The following TMEM248 variants were observed in gnomAD, a reference collection of about 807,000 sequenced individuals.
TMEM248 encodes the protein transmembrane protein 248, also known as UPF0458 protein C7orf42.
TMEM248 carries 9 observed loss-of-function variants against 30.3 expected under a neutral mutation model. That is an observed-to-expected ratio of 0.30 (90% CI 0.18 to 0.52). The LOEUF (loss-of-function observed/expected upper bound fraction) is 0.52, where lower values mean the gene tolerates loss of function less well. TMEM248 is among the 20% of genes least tolerant of loss of function. The pLI is 0.97. For synonymous variants in TMEM248, 184 were observed against 154.4 expected, an observed-to-expected ratio of 1.19 and a Z score of -1.42; for missense variants, 338 against 403.3, an observed-to-expected ratio of 0.84 and a Z score of 1.39.
chr7:66,938,368 G>T (rs1791858779), intron 1 of TMEM248, among the ~76,000 whole-genome samples: 1 of 152,088 alleles, frequency 6.6e-6, no homozygotes, highest in Admixed American at 6.6e-5. Context: ...GAAAACATTT[G>T]AAAATTGATA....
chr7:66,956,486 CT>C lies in TMEM248; in HGVS notation c.*970del, dbSNP rs1351759760. 4 of 152,062 alleles carry C rather than the reference CT, an allele frequency of 2.6e-5. No individual in the cohort carries two copies. The highest frequency in any genetic ancestry group is 9.7e-5 in the African/African-American group (4 of 41,408). The allele number at this position is 152,062 out of a possible 1,614,324, so 9.4% of individuals were successfully genotyped here. The stretch of plus-strand genomic sequence containing the variant: ...TCTAATAGGAAAGGATTTCTTCTTT[CT>C]TTTTTAAAGAGTGGGTGGATTTTCT... On this transcript the variant is annotated 3_prime_UTR_variant, in exon 7 of 7. Coordinates refer to ENST00000341567, the MANE Select transcript of TMEM248 (RefSeq NM_017994.5).
rs541390860 is a variant in TMEM248 at position 66,936,085 on chromosome 7, A to G, written c.-18-5763A>G. 9.9e-5 allele frequency among the ~76,000 whole-genome samples: 15 copies of G among 152,274 alleles called. No individual in the cohort carries two copies. In the South Asian group the frequency reaches 2.3e-3, roughly 23 times the overall value. ...TCTGATTGCTGTATCTAGGACTTCTAGTACTCTGTTGAATTACGGTGGTGA... is the reference window on the plus strand; with the variant it reads ...TCTGATTGCTGTATCTAGGACTTCTGGTACTCTGTTGAATTACGGTGGTGA... On this transcript the variant is annotated intron_variant, in intron 1 of 6. Coordinates refer to ENST00000341567, the MANE Select transcript of TMEM248 (RefSeq NM_017994.5).
chr7:66,940,617 C>T (rs1791922751), intron 1 of TMEM248, among the ~76,000 whole-genome samples: 1 of 152,232 alleles, frequency 6.6e-6, no homozygotes, highest in Middle Eastern at 3.4e-3. Flanking sequence ...GTGGCCAAAG[C>T]CCAGGAGGGA....
At chr7:66,921,949 T>C (rs1791396937) in intron 1 of TMEM248, 1 of 152,250 alleles carries the variant, frequency 6.6e-6, no homozygotes. Context: ...GGATTCTTTC[T>C]TCATGTTTTT....
intron 6 of TMEM248, among the ~76,000 whole-genome samples, chr7:66,954,426 C>A (rs1196526656): frequency 7.0e-6 from 1 of 143,374 alleles, no homozygotes; most frequent in African/African-American, 2.6e-5. Flanking sequence ...CACTTTGTCA[C>A]CCAGGCTGGA....
At chr7:66,932,979 C>A (rs753771394) in intron 1 of TMEM248, among the ~76,000 whole-genome samples, 5 of 152,010 alleles carry the variant, frequency 3.3e-5, no homozygotes, top group Non-Finnish European at 7.4e-5. Context: ...GTGCCTCAGC[C>A]TCCTGAGTAG....
intron 1 of TMEM248, among the ~76,000 whole-genome samples, chr7:66,938,341 T>C (rs1791858114): frequency 6.6e-6 from 1 of 152,190 alleles, no homozygotes; most frequent in Non-Finnish European, 1.5e-5. Flanking sequence ...TAGGTTGGGC[T>C]TTCTTTATAG....
At chr7:66,923,036 T>C (rs1346619794) in intron 1 of TMEM248, among the ~76,000 whole-genome samples, 2 of 152,142 alleles carry the variant, frequency 1.3e-5, no homozygotes, top group Non-Finnish European at 2.9e-5. Context: ...AGTTTCTGCC[T>C]GTAAGGAATG....
At position 66,949,009 on chromosome 7, in the gene TMEM248, G is replaced by C. The variant is rs547355080; in HGVS notation, c.596+315G>C. Reference sequence around the variant, plus strand: ...TAGAAGCAGCAAGTTACAGAAAAGAGGCTCACTGTGGCCGGGTGCCGTGGC... The same window carrying C: ...TAGAAGCAGCAAGTTACAGAAAAGACGCTCACTGTGGCCGGGTGCCGTGGC... On this transcript the variant is annotated intron_variant, in intron 4 of 6. Coordinates refer to ENST00000341567, the MANE Select transcript of TMEM248 (RefSeq NM_017994.5). 6.4e-4 allele frequency among the ~76,000 whole-genome samples: 97 copies of C among 152,176 alleles called. 1 individual carries two copies. In the South Asian group the frequency reaches 0.011, roughly 18 times the overall value.
intron 2 of TMEM248, among the ~76,000 whole-genome samples, chr7:66,943,801 T>TG (rs998702965): frequency 7.7e-4 from 117 of 151,972 alleles, no homozygotes; most frequent in Non-Finnish European, 1.3e-3. Flanking sequence ...ATGACTTTTT[T>TG]TTTTTTTTGA....
At chr7:66,933,185 G>A (rs912496254) in intron 1 of TMEM248, among the ~76,000 whole-genome samples, 3 of 152,044 alleles carry the variant, frequency 2.0e-5, no homozygotes, top group African/African-American at 7.2e-5. Flanking sequence ...TGGTTGTGGG[G>A]GATAAGAACT....
intron 1 of TMEM248, chr7:66,922,295 T>G (rs1791406464): frequency 1.3e-5 from 2 of 152,296 alleles, no homozygotes; most frequent in South Asian, 2.1e-4. Flanking sequence ...AGACTGCTGA[T>G]GAATATGTGA....
intron 1 of TMEM248, among the ~76,000 whole-genome samples, chr7:66,935,371 C>T (rs1562939396): frequency 6.6e-6 from 1 of 151,988 alleles, no homozygotes; most frequent in Non-Finnish European, 1.5e-5. Flanking sequence ...TTAGTAGAGA[C>T]AGGGTTTCAC....
In TMEM248 at chr7:66,931,792, CTTTTTTTTTTTTTTTT is replaced by C. The variant is rs1156882038; in HGVS notation, c.-18-10041_-18-10026del. ...TGTGCCCAACCAGGAGGCCTTCCTC[CTTTTTTTTTTTTTTTT>C]TTTTTTTTTTTTTTGAGGCAGAGTC... On this transcript the variant is annotated intron_variant, in intron 1 of 6. Transcript: ENST00000341567. Among the ~76,000 whole-genome samples, 42 of 88,456 alleles carry C rather than the reference CTTTTTTTTTTTTTTTT, an allele frequency of 4.7e-4. No individual in the cohort carries two copies. In the South Asian group the frequency reaches 9.0e-3, roughly 19 times the overall value. 58.0% of individuals were successfully genotyped at this position (88,456 alleles called of 152,430 possible). A position where few individuals can be genotyped will look rare whatever the true frequency, so the allele number is the denominator to read the frequency against.
intron 3 of TMEM248, among the ~76,000 whole-genome samples, chr7:66,946,395 T>C (rs544405283): frequency 6.6e-6 from 1 of 151,872 alleles, no homozygotes; most frequent in African/African-American, 2.4e-5. Context: ...CTGGCCAACA[T>C]GGTGAAACCC....
chr7:66,924,665 A>C (rs1791477799), intron 1 of TMEM248, among the ~76,000 whole-genome samples: 1 of 152,132 alleles, frequency 6.6e-6, no homozygotes, highest in Non-Finnish European at 1.5e-5. Flanking sequence ...GCGGCCTCCC[A>C]AAGTGCTGGG....
chr7:66,944,917 C>T (rs979661100), intron 2 of TMEM248, 59 bp from the exon 3 acceptor site: 5 of 1,581,268 alleles, frequency 3.2e-6, no homozygotes, highest in Non-Finnish European at 4.3e-6. Flanking sequence ...ACCTGTATTC[C>T]CGCAGTGGGA....
chr7:66,948,407 C>T (rs1024288203), intron 3 of TMEM248, 137 bp from the exon 4 acceptor site: 16 of 1,057,968 alleles, frequency 1.5e-5, no homozygotes, highest in Non-Finnish European at 1.8e-5. Flanking sequence ...TGCTCTTCTT[C>T]CTCAGATCCC....
chr7:66,924,689 G>A (rs918587734), intron 1 of TMEM248, among the ~76,000 whole-genome samples: 1 of 152,044 alleles, frequency 6.6e-6, no homozygotes, highest in South Asian at 2.1e-4. Flanking sequence ...ACAGGCATGA[G>A]CCACCACACC....
Sources: gnomAD v4.1 joint callset for allele counts (sites outside exome capture counted in the v4.1 genomes callset) on GRCh38, gnomAD v4.1.1 for gene constraint, MANE v1.5 for transcripts, NCBI Gene and HGNC (gene_info 2026-07-23, HGNC 2026-07-21) for gene names.